The following FBLN7 variants were observed in gnomAD, a reference collection of about 807,000 sequenced individuals.
The protein encoded by FBLN7 is fibulin 7, also known as fibulin-7.
Under a neutral mutation model 44.0 loss-of-function variants are expected in FBLN7, and 31 were observed. The observed-to-expected ratio is 0.70, with a 90% confidence interval of 0.53 to 0.95. The LOEUF (loss-of-function observed/expected upper bound fraction) is 0.95, where lower values mean the gene tolerates loss of function less well. Among genes scored for constraint, FBLN7 ranks in the 40% least tolerant of loss-of-function variants. The pLI, the probability that FBLN7 is intolerant of heterozygous loss-of-function variation, is 0.00. For synonymous variants in FBLN7, 262 were observed against 253.4 expected (o/e 1.03, Z -0.32); for missense variants, 573 against 618.5 (o/e 0.93, Z 0.78).
At chr2:112,225,262 T>A in the FBLN7 span, among the ~76,000 whole-genome samples, 1 of 152,034 alleles carries the variant, frequency 6.6e-6, no homozygotes, top group Admixed American at 6.5e-5. Flanking sequence ...CTAACAAAAA[T>A]ATGCAACCCA....
At chr2:112,167,619 G>T (rs183813555) in intron 3 of FBLN7, among the ~76,000 whole-genome samples, 21 of 152,292 alleles carry the variant, frequency 1.4e-4, no homozygotes, top group Admixed American at 3.3e-4. Context: ...TCAAAAGACC[G>T]ATCCAGTCGG....
the FBLN7 span, among the ~76,000 whole-genome samples, chr2:112,195,528 G>A: frequency 3.9e-5 from 6 of 152,194 alleles, no homozygotes; most frequent in African/African-American, 1.4e-4. Context: ...GAGTGGCAAG[G>A]TAATTTACTG....
In FBLN7 at chr2:112,165,199, C is replaced by T. The variant is rs368119326; in HGVS notation, c.406+28C>T. On this transcript the variant is annotated intron_variant, in intron 3 of 7. Coordinates refer to ENST00000331203, the MANE Select transcript of FBLN7 (RefSeq NM_153214.3). ...ATCGTCTCTCCTTCCCATCCCACTG[C>T]GCTGGACCCATCACAGTATAGCAAG... 1.3e-5 allele frequency: 21 copies of T among 1,605,798 alleles called. No individual in the cohort carries two copies. In the South Asian group the frequency reaches 2.0e-4, roughly 15 times the overall value.
chr2:112,156,245 A>C (rs1681416433), intron 1 of FBLN7, among the ~76,000 whole-genome samples: 1 of 152,198 alleles, frequency 6.6e-6, no homozygotes, highest in Non-Finnish European at 1.5e-5. Context: ...CTGTGAGAAC[A>C]AAGGAGGCAG....
the FBLN7 span, among the ~76,000 whole-genome samples, chr2:112,229,414 TAC>T: frequency 6.6e-6 from 1 of 152,192 alleles, no homozygotes; most frequent in Admixed American, 6.5e-5. Flanking sequence ...AAAGGTGGAG[TAC>T]AGTTTCCTTC....
At chr2:112,178,269 C>CAAAAAAAAAAAAAA (rs60515148) in intron 4 of FBLN7, among the ~76,000 whole-genome samples, 1 of 144,264 alleles carries the variant, frequency 6.9e-6, no homozygotes, top group Non-Finnish European at 1.5e-5. Flanking sequence ...AAAAAAAAAA[C>CAAAAAAAAAAAAAA]CAAAAGAAAA....
intron 6 of FBLN7, among the ~76,000 whole-genome samples, chr2:112,183,665 G>A (rs548405852): frequency 1.2e-4 from 18 of 152,212 alleles, no homozygotes; most frequent in South Asian, 4.2e-4. Flanking sequence ...GGGGGGCAGC[G>A]GCGCAGATGG....
At chr2:112,201,674 G>T in the FBLN7 span, among the ~76,000 whole-genome samples, 53 of 152,268 alleles carry the variant, frequency 3.5e-4, no homozygotes, top group African/African-American at 1.2e-3. Flanking sequence ...CCCCAACTTA[G>T]GGAGAACATA....
chr2:112,187,104 G>C lies in FBLN7; in HGVS notation c.948-30G>C. On this transcript the variant is annotated intron_variant, in intron 7 of 7. Transcript: ENST00000331203. This position sits in a 1 kb window ranked among gnomAD's most constrained non-coding sequence, Gnocchi z 5.1. ...GCTCTTCATGAGACTCCCCAAGGCT[G>C]ACTGCCTCCATTTTGCCTCTCCGCT... is the stretch of plus-strand genomic sequence containing the variant. 1 of 1,607,194 alleles carries C rather than the reference G, an allele frequency of 6.2e-7. No individual in the cohort carries two copies. Among genetic ancestry groups the C allele is most frequent in the East Asian group, 2.2e-5 (1 of 44,790 alleles).
intron 3 of FBLN7, among the ~76,000 whole-genome samples, chr2:112,175,162 G>A (rs187688746): frequency 1.3e-5 from 2 of 152,338 alleles, no homozygotes; most frequent in East Asian, 3.9e-4. Flanking sequence ...AAGCACAGTA[G>A]GGCTTCTGGT....
intron 7 of FBLN7, among the ~76,000 whole-genome samples, chr2:112,185,737 T>G (rs1409737493): frequency 6.6e-6 from 1 of 152,090 alleles, no homozygotes; most frequent in Non-Finnish European, 1.5e-5. Context: ...AGCATTCACA[T>G]AGCCAGGAAC....
the FBLN7 span, chr2:112,238,188 T>C: frequency 1.0e-6 from 1 of 985,530 alleles, no homozygotes; most frequent in Non-Finnish European, 1.5e-6. Context: ...ATGTCTGGTA[T>C]AAATATTCAT....
At chr2:112,228,318 A>G in the FBLN7 span, among the ~76,000 whole-genome samples, 2 of 152,174 alleles carry the variant, frequency 1.3e-5, no homozygotes, top group Admixed American at 1.3e-4. Context: ...CCTGGCCAAC[A>G]TAGTGAAAGC....
chr2:112,165,342 C>A (rs1001954693), intron 3 of FBLN7, among the ~76,000 whole-genome samples, 171 bp downstream of exon 3: 1 of 152,182 alleles, frequency 6.6e-6, no homozygotes, highest in African/African-American at 2.4e-5. Flanking sequence ...GCCAGGTTGG[C>A]GCTGGTCTCT....
the FBLN7 span, among the ~76,000 whole-genome samples, chr2:112,222,064 G>A: frequency 6.6e-6 from 1 of 151,910 alleles, no homozygotes; most frequent in Non-Finnish European, 1.5e-5. Flanking sequence ...ATAACCTTGG[G>A]GGTTTGATTA....
intron 3 of FBLN7, among the ~76,000 whole-genome samples, chr2:112,168,999 C>T (rs938356705): frequency 5.3e-5 from 8 of 152,142 alleles, no homozygotes; most frequent in Non-Finnish European, 7.3e-5. Flanking sequence ...AGGCCAGGAG[C>T]GGTGGCTCAC....
the FBLN7 span, among the ~76,000 whole-genome samples, chr2:112,197,234 AACAC>A: frequency 2.3e-3 from 206 of 89,364 alleles, 1 homozygote; most frequent in African/African-American, 5.5e-3. Context: ...CGTAAGAGAA[AACAC>A]ACACACACAC....
chr2:112,160,393 C>G (rs1009892189), intron 2 of FBLN7, among the ~76,000 whole-genome samples: 1 of 152,166 alleles, frequency 6.6e-6, no homozygotes, highest in Non-Finnish European at 1.5e-5. Flanking sequence ...CAATGTCACC[C>G]CTTTTCTTCT....
intron 1 of FBLN7, among the ~76,000 whole-genome samples, chr2:112,148,286 A>G (rs1189137972): frequency 3.3e-5 from 5 of 152,168 alleles, no homozygotes; most frequent in African/African-American, 1.2e-4. Flanking sequence ...CATGATTGAC[A>G]GGGGTATCTG....
Sources: gnomAD v4.1 joint callset for allele counts (sites outside exome capture counted in the v4.1 genomes callset) on GRCh38, gnomAD v4.1.1 for gene constraint, Gnocchi (gnomAD v3.1) non-coding constraint, MANE v1.5 for transcripts, NCBI Gene and HGNC (gene_info 2026-07-23, HGNC 2026-07-21) for gene names.